The following B3GALNT2 variants were observed in gnomAD, a reference collection of about 807,000 sequenced individuals.
The protein encoded by B3GALNT2 is beta-1,3-N-acetylgalactosaminyltransferase 2.
Under a neutral mutation model 61.1 loss-of-function variants are expected in B3GALNT2, and 53 were observed. The ratio of observed to expected loss-of-function variants is 0.87; its 90% CI spans 0.70 to 1.09. B3GALNT2 has a LOEUF of 1.09. Ranked by LOEUF, B3GALNT2 falls within the 50% of genes least tolerant of loss-of-function variation. B3GALNT2 has a pLI of 0.00. For missense variants in B3GALNT2, 544 were observed against 623.0 expected, an observed-to-expected ratio of 0.87 and a Z score of 1.35; for synonymous variants, 223 against 237.4, an observed-to-expected ratio of 0.94 and a Z score of 0.56.
chr1:235,441,760 TTTAC>T, the B3GALNT2 span: 1 of 1,537,390 alleles, frequency 6.5e-7, no homozygotes, highest in African/African-American at 1.4e-5. Flanking sequence ...TTGTTTTGTT[TTTAC>T]TTATAGTGGC....
Position 235,493,825 on chromosome 1 carries a change from C to T in B3GALNT2, c.260+856G>A, listed in dbSNP as rs1685189683. On this transcript the variant is annotated intron_variant, in intron 2 of 11. Coordinates refer to ENST00000366600, the MANE Select transcript of B3GALNT2 (RefSeq NM_152490.5). ...CAATTTGCTTGTATAGCTACTCAGT[C>T]ACAAATGTGCCAGTGCAATTCAATC... Among the ~76,000 whole-genome samples, 2 of 152,114 alleles carry T rather than the reference C, an allele frequency of 1.3e-5. 1 individual carries two copies. Among genetic ancestry groups the T allele is most frequent in the South Asian group, 4.1e-4 (2 of 4,834 alleles).
At chr1:235,470,724 T>C (rs889460782) in intron 6 of B3GALNT2, 126 bp downstream of exon 6, 7 of 1,375,658 alleles carry the variant, frequency 5.1e-6, no homozygotes, top group African/African-American at 1.5e-5. Context: ...TGCTACTATA[T>C]ATGTTGTAAA....
intron 5 of B3GALNT2, 95 bp downstream of exon 5, chr1:235,479,959 G>C: frequency 2.0e-6 from 3 of 1,531,184 alleles, no homozygotes; most frequent in Non-Finnish European, 2.6e-6. Flanking sequence ...TGCTGCCCTG[G>C]TACAAGAAAA....
Position 235,476,893 on chromosome 1 carries a change from C to A in B3GALNT2, c.651+3161G>T, listed in dbSNP as rs188003767. On this transcript the variant is annotated intron_variant, in intron 5 of 11. Coordinates refer to ENST00000366600, the MANE Select transcript of B3GALNT2 (RefSeq NM_152490.5). ...TAAAAAATTTAGTTGGGTCTGGTGG[C>A]AGGTGCCTGTAGTCCCAGCTACTCA... Among the ~76,000 whole-genome samples the A allele has an allele frequency of 5.8e-3, 870 of 151,228 alleles. 10 individuals are homozygous for A. Among genetic ancestry groups the A allele is most frequent in the African/African-American group, 0.02 (831 of 41,282 alleles).
rs550134472 is a variant in B3GALNT2 at position 235,488,120 on chromosome 1, A to AT, written c.361+1047dup. On this transcript the variant is annotated intron_variant, in intron 3 of 11. Transcript: ENST00000366600. ...ATAAATAATGTTACTTGTGTCTTAC[A>AT]TTTTTTACTATTTTTTCTTTTACAG... Among the ~76,000 whole-genome samples the AT allele has an allele frequency of 6.1e-4, 93 of 152,266 alleles. No homozygotes were observed. The Middle Eastern group carries it at 0.01, about 17-fold the overall frequency.
At chr1:235,483,960 C>T (rs927340702) in intron 4 of B3GALNT2, among the ~76,000 whole-genome samples, 4 of 152,150 alleles carry the variant, frequency 2.6e-5, no homozygotes, top group African/African-American at 9.7e-5. Context: ...CCTTGTATTA[C>T]AGACTTCTAC....
chr1:235,471,002 T>C (rs745310210), intron 5 of B3GALNT2, 42 bp from the exon 6 acceptor site: 5 of 1,603,526 alleles, frequency 3.1e-6, no homozygotes, highest in South Asian at 2.2e-5. Context: ...TCCTTATTGC[T>C]GTCATTTAGG....
intron 5 of B3GALNT2, among the ~76,000 whole-genome samples, chr1:235,476,707 C>T (rs1429633424): frequency 2.6e-5 from 4 of 151,132 alleles, no homozygotes; most frequent in Non-Finnish European, 4.4e-5. Flanking sequence ...AAAAATTAGC[C>T]GGTGTGGTGG....
intron 4 of B3GALNT2, among the ~76,000 whole-genome samples, chr1:235,481,517 A>C (rs1419778060): frequency 6.6e-6 from 1 of 151,998 alleles, no homozygotes; most frequent in East Asian, 1.9e-4. Flanking sequence ...CTATTTTCTT[A>C]ATTTTTTGTA....
intron 5 of B3GALNT2, 121 bp from the exon 6 acceptor site, chr1:235,471,081 A>G (rs1400065245): frequency 6.7e-7 from 1 of 1,482,384 alleles, no homozygotes; most frequent in Non-Finnish European, 8.9e-7. Context: ...TAAAATTTTC[A>G]CCCCATAACT....
rs771486358 is a variant in B3GALNT2, at chr1:235,453,086, T to C, written c.1368+4A>G. ...GAACCCTGAGGCCATCCCCAAAGAC[T>C]TACCTGGTATCTTTTAGGTCCTATG... On this transcript the variant is annotated splice_donor_region_variant and intron_variant, in intron 11 of 11. Coordinates refer to ENST00000366600, the MANE Select transcript of B3GALNT2 (RefSeq NM_152490.5). The C allele has an allele frequency of 2.5e-6, 4 of 1,608,850 alleles. No homozygotes were observed. Among genetic ancestry groups the C allele is most frequent in the East Asian group, 4.5e-5 (2 of 44,840 alleles).
chr1:235,475,152 C>T (rs1402706602), intron 5 of B3GALNT2, among the ~76,000 whole-genome samples: 1 of 150,752 alleles, frequency 6.6e-6, no homozygotes, highest in African/African-American at 2.4e-5. Flanking sequence ...CATGCGCCAC[C>T]ACACCTGGCT....
At chr1:235,497,607 C>T (rs1352747060) in intron 1 of B3GALNT2, among the ~76,000 whole-genome samples, 3 of 152,084 alleles carry the variant, frequency 2.0e-5, no homozygotes, top group Admixed American at 6.5e-5. Flanking sequence ...TTTTTGATGG[C>T]TAATCAAAGC....
intron 7 of B3GALNT2, among the ~76,000 whole-genome samples, chr1:235,460,063 G>A (rs191860233): frequency 6.6e-6 from 1 of 151,438 alleles, no homozygotes; most frequent in East Asian, 2.0e-4. Context: ...AAAGTGCTGG[G>A]ATTACAGGCG....
At chr1:235,455,799 T>C in intron 8 of B3GALNT2, 115 bp from the exon 9 acceptor site, 1 of 1,275,372 alleles carries the variant, frequency 7.8e-7, no homozygotes, top group Non-Finnish European at 1.1e-6. Flanking sequence ...AAATTTCTTA[T>C]TCCTCAAATG....
rs1288552487 is a variant in B3GALNT2 at position 235,450,112 on chromosome 1, T to C, written c.*94A>G. The stretch of plus-strand genomic sequence containing the variant: ...AGTCTGGAACTCTCTTGAAAGACCA[T>C]ACAGTCTACTGCTAAACCCTGGGAC... On this transcript the variant is annotated 3_prime_UTR_variant, in exon 12 of 12. Transcript: ENST00000366600. The C allele has an allele frequency of 4.8e-6, 7 of 1,465,248 alleles. No homozygotes were observed. Among genetic ancestry groups the C allele is most frequent in the Non-Finnish European group, 3.8e-6 (4 of 1,057,842 alleles). 90.8% of individuals were successfully genotyped at this position (1,465,248 alleles called of 1,614,324 possible).
At chr1:235,472,387 G>C (rs1321112048) in intron 5 of B3GALNT2, among the ~76,000 whole-genome samples, 1 of 151,846 alleles carries the variant, frequency 6.6e-6, no homozygotes, top group Non-Finnish European at 1.5e-5. Flanking sequence ...TGGCTCCTTA[G>C]TCCTGCTCAG....
chr1:235,448,477 C>T lies in B3GALNT2; in HGVS notation c.*1729G>A, dbSNP rs1372198229. Reference sequence around the variant, plus strand: ...AGCAAAATACAAAGTCAAAGTCAAGCTTAGTCCTCGTATTATGACATTAAA... The same window carrying T: ...AGCAAAATACAAAGTCAAAGTCAAGTTTAGTCCTCGTATTATGACATTAAA... On this transcript the variant is annotated 3_prime_UTR_variant, in exon 12 of 12. Coordinates refer to ENST00000366600, the MANE Select transcript of B3GALNT2 (RefSeq NM_152490.5). 6.3e-7 allele frequency: 1 copy of T among 1,584,688 alleles called. No homozygotes were observed. The highest frequency in any genetic ancestry group is 1.3e-5 in the African/African-American group (1 of 74,182).
intron 9 of B3GALNT2, among the ~76,000 whole-genome samples, chr1:235,454,977 T>C (rs983280574): frequency 5.9e-5 from 9 of 151,484 alleles, no homozygotes; most frequent in African/African-American, 1.9e-4. Context: ...AAACGTACTC[T>C]AACAAAATAT....
Sources: gnomAD v4.1 joint callset for allele counts (sites outside exome capture counted in the v4.1 genomes callset) on GRCh38, gnomAD v4.1.1 for gene constraint, MANE v1.5 for transcripts, NCBI Gene and HGNC (gene_info 2026-07-23, HGNC 2026-07-21) for gene names.